Variants in C1orf21 observed in about 807,000 individuals in gnomAD.
C1orf21 encodes the protein uncharacterized protein C1orf21.
Under a neutral mutation model 18.7 loss-of-function variants are expected in C1orf21, and 3 were observed. The ratio of observed to expected loss-of-function variants is 0.16; its 90% CI spans 0.07 to 0.42. The LOEUF (loss-of-function observed/expected upper bound fraction) is 0.42. Ranked by LOEUF, C1orf21 falls within the 10% of genes least tolerant of loss-of-function variation. The pLI, the probability that C1orf21 is intolerant of heterozygous loss-of-function variation, is 0.99. For missense variants in C1orf21, 104 were observed against 143.6 expected (o/e 0.72, Z 1.41); for synonymous variants, 41 against 46.4 (o/e 0.88, Z 0.47).
chr1:184,470,676 C>G (rs935118468), intron 1 of C1orf21, among the ~76,000 whole-genome samples: 34 of 152,118 alleles, frequency 2.2e-4, no homozygotes, highest in African/African-American at 7.5e-4. Flanking sequence ...GTTAGGAGTT[C>G]GAGACCAGCC....
intron 1 of C1orf21, among the ~76,000 whole-genome samples, chr1:184,450,092 G>GCAGGA (rs1657100025): frequency 6.6e-6 from 1 of 152,150 alleles, no homozygotes; most frequent in Non-Finnish European, 1.5e-5. Context: ...TGCTTAGAAG[G>GCAGGA]CAGGACAGTG....
chr1:184,600,024 T>A (rs188393022), intron 5 of C1orf21, among the ~76,000 whole-genome samples: 1 of 152,222 alleles, frequency 6.6e-6, no homozygotes, highest in Non-Finnish European at 1.5e-5. Context: ...TTATTTGGAC[T>A]TCCCCCCACT....
At chr1:184,612,697 C>G (rs1374281991) in intron 5 of C1orf21, among the ~76,000 whole-genome samples, 1 of 151,908 alleles carries the variant, frequency 6.6e-6, no homozygotes, top group Non-Finnish European at 1.5e-5. Context: ...CAAAAAAAAG[C>G]CCACTGAACA....
At chr1:184,485,985 A>G (rs978931583) in intron 2 of C1orf21, among the ~76,000 whole-genome samples, 4 of 152,206 alleles carry the variant, frequency 2.6e-5, no homozygotes, top group Admixed American at 6.5e-5. Context: ...TTAAGTCAAG[A>G]TAAGTGAGGA....
chr1:184,535,691 G>A (rs1219201701), intron 3 of C1orf21, among the ~76,000 whole-genome samples: 2 of 152,218 alleles, frequency 1.3e-5, no homozygotes, highest in Admixed American at 6.5e-5. Flanking sequence ...TTTCTTGGAT[G>A]TGTGCTTATT....
At chr1:184,533,161 T>TCAAGCTCTGGC (rs1658493859) in intron 3 of C1orf21, among the ~76,000 whole-genome samples, 1 of 152,026 alleles carries the variant, frequency 6.6e-6, no homozygotes, top group African/African-American at 2.4e-5. Context: ...TCCCTCTGGC[T>TCAAGCTCTGGC]CAAGCTCTGG....
At chr1:184,605,599 T>C (rs982055268) in intron 5 of C1orf21, among the ~76,000 whole-genome samples, 10 of 152,130 alleles carry the variant, frequency 6.6e-5, no homozygotes, top group South Asian at 2.1e-4. Context: ...ATTGGATTGA[T>C]AGAGGCCAAG....
chr1:184,524,706 A>C (rs1250787913), intron 3 of C1orf21, among the ~76,000 whole-genome samples: 2 of 152,112 alleles, frequency 1.3e-5, no homozygotes, highest in African/African-American at 4.8e-5. Flanking sequence ...ACAGCTGGAC[A>C]GTATAGCTTC....
Position 184,410,650 on chromosome 1 carries a change from TATA to T in C1orf21, c.-125+23283_-125+23285del, listed in dbSNP as rs1656330259. Reference sequence around the variant, plus strand: ...ATATATATATATATATATATATATATATATATATATATATTTTTTTTTTTTTTT... The same window carrying T: ...ATATATATATATATATATATATATATTATATATATATTTTTTTTTTTTTTT... On this transcript the variant is annotated intron_variant, in intron 1 of 5. Coordinates refer to ENST00000235307, the MANE Select transcript of C1orf21 (RefSeq NM_030806.4). Among the ~76,000 whole-genome samples, 3 of 6,674 alleles carry T rather than the reference TATA, an allele frequency of 4.5e-4. 1 individual carries two copies. The highest frequency in any genetic ancestry group is 6.4e-4 in the Non-Finnish European group (3 of 4,658). 4.4% of individuals were successfully genotyped at this position (6,674 alleles called of 152,430 possible).
At chr1:184,496,211 C>G (rs1465733715) in intron 2 of C1orf21, among the ~76,000 whole-genome samples, 4 of 152,128 alleles carry the variant, frequency 2.6e-5, no homozygotes, top group Non-Finnish European at 5.9e-5. Context: ...TTTCTGGGCT[C>G]TCCTCAGTTA....
chr1:184,463,081 T>TAAA (rs1657331832), intron 1 of C1orf21, among the ~76,000 whole-genome samples: 1 of 63,318 alleles, frequency 1.6e-5, no homozygotes, highest in Non-Finnish European at 2.9e-5. Flanking sequence ...AGACTCCATC[T>TAAA]CAAAAAAAAA....
chr1:184,432,663 A>AT (rs1173555856), intron 1 of C1orf21, among the ~76,000 whole-genome samples: 1 of 149,886 alleles, frequency 6.7e-6, no homozygotes, highest in Non-Finnish European at 1.5e-5. Flanking sequence ...CACTTAAAGT[A>AT]TTAAAAAAAA....
At chr1:184,480,590 T>A (rs1313178992) in intron 2 of C1orf21, among the ~76,000 whole-genome samples, 1 of 152,220 alleles carries the variant, frequency 6.6e-6, no homozygotes, top group Non-Finnish European at 1.5e-5. Context: ...TAGTCAACTA[T>A]TGCTGCGTAG....
In C1orf21 at chr1:184,578,742, A is replaced by C. The variant is rs570427261; in HGVS notation, c.190-11997A>C. Among the ~76,000 whole-genome samples, 108 of 152,352 alleles carry C rather than the reference A, an allele frequency of 7.1e-4. 4 individuals are homozygous for C. In the South Asian group the frequency reaches 0.022, roughly 31 times the overall value. ...TGTGATTAATCTTAGATAGTTAGAT[A>C]GTTCTGTGATCAAGAATACATACAT... On this transcript the variant is annotated intron_variant, in intron 3 of 5. Transcript: ENST00000235307.
intron 1 of C1orf21, among the ~76,000 whole-genome samples, chr1:184,416,762 A>T (rs1048555680): frequency 2.0e-5 from 3 of 152,140 alleles, no homozygotes; most frequent in African/African-American, 7.2e-5. Flanking sequence ...TCCCTGACCT[A>T]TTGGAATGGG....
intron 3 of C1orf21, among the ~76,000 whole-genome samples, chr1:184,516,297 AAAAC>A (rs140132538): frequency 0.46 from 69,627 of 151,678 alleles, 16,589 homozygotes; most frequent in African/African-American, 0.6. Context: ...TGACAAAATT[AAAAC>A]AAACAAAACA....
chr1:184,534,969 G>A (rs184361546), intron 3 of C1orf21, among the ~76,000 whole-genome samples: 1 of 152,288 alleles, frequency 6.6e-6, no homozygotes, highest in Non-Finnish European at 1.5e-5. Context: ...GGAGCAGTGA[G>A]GGGCTGGATC....
At chr1:184,534,251 G>A (rs1658513410) in intron 3 of C1orf21, among the ~76,000 whole-genome samples, 1 of 152,142 alleles carries the variant, frequency 6.6e-6, no homozygotes, top group Non-Finnish European at 1.5e-5. Context: ...TCTAAATTCT[G>A]TTTAAGCGAA....
At chr1:184,562,961 C>T (rs562572331) in intron 3 of C1orf21, among the ~76,000 whole-genome samples, 1 of 152,250 alleles carries the variant, frequency 6.6e-6, no homozygotes, top group South Asian at 2.1e-4. Context: ...CCTACATGAC[C>T]AAAGTTGTGT....
Sources: gnomAD v4.1 joint callset for allele counts (sites outside exome capture counted in the v4.1 genomes callset) on GRCh38, gnomAD v4.1.1 for gene constraint, MANE v1.5 for transcripts, NCBI Gene and HGNC (gene_info 2026-07-23, HGNC 2026-07-21) for gene names.